ST3GAL3: variants seen among roughly 807,000 people sequenced by gnomAD.
ST3GAL3 encodes the protein CMP-N-acetylneuraminate-beta-1,4-galactoside alpha-2,3-sialyltransferase.
A neutral mutation model predicts 50.1 loss-of-function variants in ST3GAL3; 21 were observed. The observed-to-expected ratio is 0.42, with a 90% CI of 0.30 to 0.60. ST3GAL3 has a LOEUF of 0.60. Ranked by LOEUF, ST3GAL3 falls within the 20% of genes least tolerant of loss-of-function variation. The pLI is 0.19. For missense variants in ST3GAL3, 353 were observed against 489.4 expected (o/e 0.72, Z 2.63); for synonymous variants, 183 against 190.0 (o/e 0.96, Z 0.30).
At chr1:43,710,694 A>G (rs1388549927) in intron 1 of ST3GAL3, among the ~76,000 whole-genome samples, 1 of 152,176 alleles carries the variant, frequency 6.6e-6, no homozygotes, top group Non-Finnish European at 1.5e-5. Context: ...ATCTTTGCTC[A>G]TGTTGGCTTT....
chr1:43,744,388 T>C (rs1682527297), intron 2 of ST3GAL3, among the ~76,000 whole-genome samples: 1 of 151,944 alleles, frequency 6.6e-6, no homozygotes, highest in Non-Finnish European at 1.5e-5. Flanking sequence ...TAGCTGGGAT[T>C]ACAGGCACCC....
Position 43,814,900 on chromosome 1 carries a change from G to T in ST3GAL3, c.176G>T (p.Arg59Leu), listed in dbSNP as rs764808181. 2.6e-5 allele frequency: 42 copies of T among 1,613,976 alleles called. No individual in the cohort carries two copies. The highest frequency in any genetic ancestry group is 3.5e-5 in the Non-Finnish European group (41 of 1,180,008). The change falls in exon 4 of 12, where the codon CGG becomes CTG. Residue 59 changes from arginine (R) to leucine (L), a missense_variant. By Grantham distance (102) the Arg-to-Leu change is moderately radical. Coordinates refer to ENST00000347631, the MANE Select transcript of ST3GAL3 (RefSeq NM_006279.5). ...TGCTTTTCTTTTTCAGAGTATGATCGGTTGGGCTTCCTCCTGAATCTGGAC... is the reference window on the plus strand; with the variant it reads ...TGCTTTTCTTTTTCAGAGTATGATCTGTTGGGCTTCCTCCTGAATCTGGAC... Reference protein sequence around the residue: ...AGQTLGSEYDRLGFLLNLDSK... With the variant: ...AGQTLGSEYDLLGFLLNLDSK...
At chr1:43,881,759 G>A (rs1280349574) in intron 5 of ST3GAL3, among the ~76,000 whole-genome samples, 2 of 152,126 alleles carry the variant, frequency 1.3e-5, no homozygotes, top group African/African-American at 2.4e-5. Flanking sequence ...CAGGCGGGGT[G>A]GGGGCAGTAG....
rs2077809933 is a variant in ST3GAL3 at position 43,898,965 on chromosome 1, A to G, written c.462-203A>G. On this transcript the variant is annotated intron_variant, in intron 7 of 11. Coordinates refer to ENST00000347631, the MANE Select transcript of ST3GAL3 (RefSeq NM_006279.5). ...CCTGGGGAAGTGTCAGGGCCTAGAT[A>G]GAGATGCTGGAGAGTCTCAGGGCCC... The G allele has an allele frequency of 4.7e-6, 3 of 643,058 alleles. No individual in the cohort carries two copies. The African/African-American group carries it at 5.5e-5, about 12-fold the overall frequency. The allele number at this position is 643,058 out of a possible 1,614,324, so 39.8% of individuals were successfully genotyped here. A position where few individuals can be genotyped will look rare whatever the true frequency, so the allele number is the denominator to read the frequency against.
At chr1:43,910,082 G>A (rs917036728) in intron 9 of ST3GAL3, among the ~76,000 whole-genome samples, 8 of 152,318 alleles carry the variant, frequency 5.3e-5, no homozygotes, top group Admixed American at 5.2e-4. Flanking sequence ...GGTACCGAGA[G>A]CCATCACCCA....
At chr1:43,767,795 C>T (rs1693649386) in intron 2 of ST3GAL3, among the ~76,000 whole-genome samples, 1 of 147,512 alleles carries the variant, frequency 6.8e-6, no homozygotes, top group South Asian at 2.1e-4. Context: ...GCACGTTCTG[C>T]ACATGTATCC....
At chr1:43,826,095 G>A (rs568140192) in intron 4 of ST3GAL3, among the ~76,000 whole-genome samples, 11 of 151,102 alleles carry the variant, frequency 7.3e-5, no homozygotes, top group African/African-American at 2.4e-4. Flanking sequence ...GGGAGACCTC[G>A]TCTCTTCAAA....
chr1:43,733,253 G>A (rs973278271), intron 1 of ST3GAL3, among the ~76,000 whole-genome samples: 5 of 151,976 alleles, frequency 3.3e-5, no homozygotes, highest in African/African-American at 9.7e-5. Flanking sequence ...CTCCTACTTC[G>A]GCCTCTCAGG....
chr1:43,856,953 T>C (rs1346736514), intron 5 of ST3GAL3, among the ~76,000 whole-genome samples: 1 of 152,188 alleles, frequency 6.6e-6, no homozygotes, highest in Non-Finnish European at 1.5e-5. Context: ...ATTTTTTTTT[T>C]TTAGATCTCC....
At chr1:43,858,126 C>G (rs1214265524) in intron 5 of ST3GAL3, 2 of 1,289,386 alleles carry the variant, frequency 1.6e-6, no homozygotes, top group Admixed American at 4.6e-5. Context: ...CTGTACCTAT[C>G]TTCCCCAGAG....
intron 2 of ST3GAL3, among the ~76,000 whole-genome samples, chr1:43,748,253 T>C (rs1684636531): frequency 2.0e-5 from 3 of 151,804 alleles, no homozygotes. Context: ...ATCAAAAAAA[T>C]AAGATACTTA....
chr1:43,817,362 CCTT>C (rs914754050), intron 4 of ST3GAL3, among the ~76,000 whole-genome samples: 24 of 83,288 alleles, frequency 2.9e-4, no homozygotes, highest in African/African-American at 7.4e-4. Context: ...TCTTCTTCTT[CCTT>C]CTTCTCCTTC....
At chr1:43,927,303 C>T (rs1398596643) in intron 11 of ST3GAL3, among the ~76,000 whole-genome samples, 3 of 152,080 alleles carry the variant, frequency 2.0e-5, no homozygotes, top group Non-Finnish European at 4.4e-5. Flanking sequence ...CCAGCCTGGG[C>T]AACAAGAGTA....
At chr1:43,799,206 G>A (rs2059046011) in intron 3 of ST3GAL3, among the ~76,000 whole-genome samples, 2 of 152,066 alleles carry the variant, frequency 1.3e-5, no homozygotes, top group South Asian at 4.2e-4. Context: ...GGTTTCAAAT[G>A]GTTCTTACTT....
intron 1 of ST3GAL3, among the ~76,000 whole-genome samples, chr1:43,732,976 A>C (rs1281764488): frequency 7.7e-6 from 1 of 130,274 alleles, no homozygotes; most frequent in East Asian, 2.3e-4. Context: ...CTTCATAAAA[A>C]ATACTTTTTT....
At chr1:43,786,385 T>G (rs2057342012) in intron 2 of ST3GAL3, among the ~76,000 whole-genome samples, 1 of 152,196 alleles carries the variant, frequency 6.6e-6, no homozygotes. Flanking sequence ...CTGTGCTCTG[T>G]GCGCCAGCAA....
chr1:43,745,355 C>G (rs1049659194), intron 2 of ST3GAL3, among the ~76,000 whole-genome samples: 1 of 151,974 alleles, frequency 6.6e-6, no homozygotes, highest in Non-Finnish European at 1.5e-5. Flanking sequence ...AAGTGGGAAA[C>G]AAGAATGTTT....
In ST3GAL3 at chr1:43,838,306, C is replaced by T. The variant is rs2064774721; in HGVS notation, c.297C>T (p.Phe99=). Residue 99 remains phenylalanine (F), a synonymous_variant, in exon 5 of 12, where the codon TTC becomes TTT. Coordinates refer to ENST00000347631, the MANE Select transcript of ST3GAL3 (RefSeq NM_006279.5). ...GYASALMTAI[F]PRFSKPAPMF... is the part of the protein sequence containing the mutation. ...CTTCAGCCTTGATGACGGCCATCTT[C>T]CCCCGGTAAGTGCTCCTGTTTCCCT... 1 of 1,613,244 alleles carries T rather than the reference C, an allele frequency of 6.2e-7. No individual in the cohort carries two copies. Among genetic ancestry groups the T allele is most frequent in the Non-Finnish European group, 8.5e-7 (1 of 1,179,498 alleles).
intron 4 of ST3GAL3, among the ~76,000 whole-genome samples, chr1:43,823,363 C>T (rs1420645597): frequency 1.3e-5 from 2 of 152,104 alleles, no homozygotes; most frequent in Non-Finnish European, 2.9e-5. Flanking sequence ...TTTTATCCTG[C>T]GCTCCTTGCT....
Sources: gnomAD v4.1 joint callset for allele counts (sites outside exome capture counted in the v4.1 genomes callset) on GRCh38, gnomAD v4.1.1 for gene constraint, MANE v1.5 for transcripts, NCBI Gene and HGNC (gene_info 2026-07-23, HGNC 2026-07-21) for gene names.